The following PDE6C variants were observed in gnomAD, a reference collection of about 807,000 sequenced individuals.
PDE6C encodes the protein cone cGMP-specific 3',5'-cyclic phosphodiesterase subunit alpha'.
In PDE6C, 75 loss-of-function variants were observed where a neutral mutation model predicts 113.1. That is an observed-to-expected ratio of 0.66 (90% CI 0.55 to 0.80). PDE6C has a LOEUF of 0.80. PDE6C is among the 30% of genes least tolerant of loss of function. PDE6C has a pLI of 0.00. For missense variants in PDE6C, 912 were observed against 1,038.6 expected (o/e 0.88, Z 1.67); for synonymous variants, 375 against 363.7 (o/e 1.03, Z -0.35).
intron 4 of PDE6C, among the ~76,000 whole-genome samples, chr10:93,622,372 C>T (rs1027475910): frequency 3.3e-5 from 5 of 151,756 alleles, no homozygotes; most frequent in African/African-American, 1.2e-4. Context: ...TTTCCTCTTC[C>T]CTCCCAATCT....
At chr10:93,655,899 C>A in intron 16 of PDE6C, 39 bp downstream of exon 16, 1 of 1,028,436 alleles carries the variant, frequency 9.7e-7, no homozygotes, top group Non-Finnish European at 1.6e-6. Context: ...GCCCTATACT[C>A]TGTGTGGTTT....
chr10:93,641,144 G>A lies in PDE6C; in HGVS notation c.1847+115G>A, dbSNP rs2058557940. 4 of 686,028 alleles carry A rather than the reference G, an allele frequency of 5.8e-6. No homozygotes were observed. The East Asian group carries it at 1.1e-4, about 18-fold the overall frequency. The allele number at this position is 686,028 out of a possible 1,614,324, so 42.5% of individuals were successfully genotyped here. A position where few individuals can be genotyped will look rare whatever the true frequency, so the allele number is the denominator to read the frequency against. On this transcript the variant is annotated intron_variant, in intron 14 of 21. Transcript: ENST00000371447. ...CCAGTCAATGCCTCTTTGCCATGTT[G>A]GAAATTCCAGGGCTGGATTCTATTC...
intron 15 of PDE6C, among the ~76,000 whole-genome samples, chr10:93,647,623 A>G (rs777499810): frequency 2.0e-5 from 3 of 152,182 alleles, no homozygotes; most frequent in Non-Finnish European, 4.4e-5. Flanking sequence ...AGACATGGGT[A>G]CCTGGACCAA....
At chr10:93,622,294 T>TC (rs1427719197) in intron 4 of PDE6C, among the ~76,000 whole-genome samples, 1 of 151,968 alleles carries the variant, frequency 6.6e-6, no homozygotes, top group African/African-American at 2.4e-5. Context: ...GTCTGTTTTT[T>TC]TTTTACATTA....
intron 10 of PDE6C, among the ~76,000 whole-genome samples, chr10:93,636,225 G>A (rs2058528431): frequency 6.6e-6 from 1 of 152,174 alleles, no homozygotes; most frequent in Non-Finnish European, 1.5e-5. Context: ...AATGCTCATT[G>A]GCCAAAGAAA....
intron 20 of PDE6C, 55 bp from the exon 21 acceptor site, chr10:93,662,973 A>G: frequency 6.8e-7 from 1 of 1,469,260 alleles, no homozygotes; most frequent in Admixed American, 1.7e-5. Flanking sequence ...CATATGAAAG[A>G]TCCTGAAAAT....
intron 18 of PDE6C, among the ~76,000 whole-genome samples, chr10:93,660,386 G>A (rs140012293): frequency 6.6e-6 from 1 of 152,280 alleles, no homozygotes; most frequent in African/African-American, 2.4e-5. Context: ...TGATCTAATC[G>A]TGAGGCAGCT....
In PDE6C at chr10:93,641,673, A is replaced by G. The variant is rs1477867467; in HGVS notation, c.1847+644A>G. Among the ~76,000 whole-genome samples the G allele has an allele frequency of 3.3e-5, 5 of 152,126 alleles. 1 individual carries two copies. Among genetic ancestry groups the G allele is most frequent in the Admixed American group, 2.0e-4 (3 of 15,284 alleles). On this transcript the variant is annotated intron_variant, in intron 14 of 21. Transcript: ENST00000371447. Reference sequence around the variant, plus strand: ...AAAATTAAAAATAAAAAACAAGTACATAAGGTACATGAATGTTAGGCTTAC... The same window carrying G: ...AAAATTAAAAATAAAAAACAAGTACGTAAGGTACATGAATGTTAGGCTTAC...
chr10:93,658,367 G>GT, intron 16 of PDE6C, among the ~76,000 whole-genome samples: 1 of 152,046 alleles, frequency 6.6e-6, no homozygotes, highest in South Asian at 2.1e-4. Flanking sequence ...CTGGACATCC[G>GT]TGTGTTTTGG....
chr10:93,635,654 T>A lies in PDE6C; in HGVS notation c.1413+14T>A. The stretch of plus-strand genomic sequence containing the variant: ...AAGTCCATTTTGGTAAGTGGGAAAT[T>A]CAGTCCTGTGGACATAAGATGTTAC... On this transcript the variant is annotated intron_variant, in intron 10 of 21. Coordinates refer to ENST00000371447, the MANE Select transcript of PDE6C (RefSeq NM_006204.4). 6.2e-7 allele frequency: 1 copy of A among 1,613,310 alleles called. No homozygotes were observed. The highest frequency in any genetic ancestry group is 8.5e-7 in the Non-Finnish European group (1 of 1,179,354).
intron 4 of PDE6C, among the ~76,000 whole-genome samples, chr10:93,622,454 A>G (rs977967194): frequency 2.0e-5 from 3 of 152,070 alleles, no homozygotes; most frequent in Non-Finnish European, 4.4e-5. Flanking sequence ...ATATATTATT[A>G]TTAACTAAAG....
At chr10:93,648,328 T>C (rs1564803201) in intron 15 of PDE6C, among the ~76,000 whole-genome samples, 1 of 152,218 alleles carries the variant, frequency 6.6e-6, no homozygotes, top group Non-Finnish European at 1.5e-5. Context: ...AATTGCAGAC[T>C]TTTAAAGCCT....
At chr10:93,647,212 G>A (rs916328935) in intron 15 of PDE6C, among the ~76,000 whole-genome samples, 2 of 152,108 alleles carry the variant, frequency 1.3e-5, no homozygotes, top group African/African-American at 4.8e-5. Context: ...AGATTGAGGG[G>A]AGCACTGTTT....
At chr10:93,646,637 A>T (rs1040187052) in intron 15 of PDE6C, among the ~76,000 whole-genome samples, 1 of 152,174 alleles carries the variant, frequency 6.6e-6, no homozygotes, top group Non-Finnish European at 1.5e-5. Flanking sequence ...CGAGCACTTC[A>T]TATGGCCAGA....
intron 7 of PDE6C, among the ~76,000 whole-genome samples, chr10:93,628,400 C>T (rs1022537875): frequency 1.3e-5 from 2 of 152,126 alleles, no homozygotes; most frequent in Non-Finnish European, 2.9e-5. Flanking sequence ...GCCTGGCCAA[C>T]ATGGTGAAAC....
Position 93,640,434 on chromosome 10 carries a change from T to C in PDE6C, c.1630-16T>C. ...GAATTCTATTCCAAAGTCTGAATGG[T>C]GTCATCTTCTTTTAGGTTCTTACCA... is the stretch of plus-strand genomic sequence containing the variant. On this transcript the variant is annotated splice_polypyrimidine_tract_variant and intron_variant, in intron 12 of 21. Coordinates refer to ENST00000371447, the MANE Select transcript of PDE6C (RefSeq NM_006204.4). 6.4e-7 allele frequency: 1 copy of C among 1,561,200 alleles called. No homozygotes were observed. Among genetic ancestry groups the C allele is most frequent in the Non-Finnish European group, 8.8e-7 (1 of 1,131,904 alleles).
At chr10:93,655,279 C>T (rs548545548) in intron 15 of PDE6C, among the ~76,000 whole-genome samples, 7 of 152,116 alleles carry the variant, frequency 4.6e-5, no homozygotes, top group East Asian at 3.9e-4. Context: ...TACATATACA[C>T]GAATATGAGT....
At chr10:93,619,546 C>T (rs1205332695) in intron 1 of PDE6C, among the ~76,000 whole-genome samples, 1 of 152,174 alleles carries the variant, frequency 6.6e-6, no homozygotes, top group Non-Finnish European at 1.5e-5. Context: ...CCTGCCTCAG[C>T]CTCCTGAGTA....
In PDE6C at chr10:93,644,780, G is replaced by GTGTGTA. The variant is rs1554890746; in HGVS notation, c.1848-1179_1848-1178insGTGTAT. Among the ~76,000 whole-genome samples, 31 of 142,976 alleles carry GTGTGTA rather than the reference G, an allele frequency of 2.2e-4. No homozygotes were observed. The South Asian group carries it at 2.8e-3, about 13-fold the overall frequency. The allele number at this position is 142,976 out of a possible 152,430, so 93.8% of individuals were successfully genotyped here. The stretch of plus-strand genomic sequence containing the variant: ...TTCAAATAAAGAAAATGTGGTGCGT[G>GTGTGTA]TATATATATATATATAGTATATATA... On this transcript the variant is annotated intron_variant, in intron 14 of 21. Transcript: ENST00000371447.
Sources: gnomAD v4.1 joint callset for allele counts (sites outside exome capture counted in the v4.1 genomes callset) on GRCh38, gnomAD v4.1.1 for gene constraint, MANE v1.5 for transcripts, NCBI Gene and HGNC (gene_info 2026-07-23, HGNC 2026-07-21) for gene names.